NEK1: variants seen among roughly 807,000 people sequenced by gnomAD.
NEK1 encodes NIMA related kinase 1.
A neutral mutation model predicts 182.1 loss-of-function variants in NEK1; 137 were observed. The observed-to-expected ratio is 0.75, with a 90% CI of 0.65 to 0.87. NEK1 has a LOEUF of 0.87. Among genes scored for constraint, NEK1 ranks in the 40% least tolerant of loss-of-function variants. The pLI is 0.00. For synonymous variants in NEK1, 513 were observed against 492.2 expected, an observed-to-expected ratio of 1.04 and a Z score of -0.56; for missense variants, 1,391 against 1,494.4, an observed-to-expected ratio of 0.93 and a Z score of 1.14.
intron 2 of NEK1, among the ~76,000 whole-genome samples, chr4:169,608,130 C>T (rs1481057978): frequency 1.3e-5 from 2 of 151,414 alleles, no homozygotes; most frequent in African/African-American, 4.9e-5. Context: ...CACACACACA[C>T]ACACACACAA....
rs555070416 is a variant in NEK1 at position 169,523,757 on chromosome 4, T to C, written c.1665+14052A>G. Among the ~76,000 whole-genome samples, 7 of 152,358 alleles carry C rather than the reference T, an allele frequency of 4.6e-5. No homozygotes were observed. The South Asian group carries it at 1.5e-3, about 32-fold the overall frequency. On this transcript the variant is annotated intron_variant, in intron 19 of 35. Coordinates refer to ENST00000507142, the MANE Select transcript of NEK1 (RefSeq NM_001199397.3). The stretch of plus-strand genomic sequence containing the variant: ...GCTTTCAATAAATAGTTATTATTAC[T>C]TAATTGTTGGTTTATTGTCTATCTC...
At chr4:169,438,329 G>A (rs1184303525) in intron 27 of NEK1, 70 bp from the exon 28 acceptor site, 13 of 1,242,368 alleles carry the variant, frequency 1.0e-5, no homozygotes, top group Non-Finnish European at 1.4e-5. Flanking sequence ...ATGGCATTGG[G>A]GGCAAAGTTC....
At chr4:169,532,222 A>G (rs781168231) in intron 19 of NEK1, among the ~76,000 whole-genome samples, 75 of 152,206 alleles carry the variant, frequency 4.9e-4, no homozygotes, top group Non-Finnish European at 1.0e-3. Flanking sequence ...ATATACACTT[A>G]GAATTTTATT....
At chr4:169,575,699 C>T (rs752051996) in intron 12 of NEK1, among the ~76,000 whole-genome samples, 1 of 152,186 alleles carries the variant, frequency 6.6e-6, no homozygotes, top group Non-Finnish European at 1.5e-5. Context: ...CAGGGAGTTT[C>T]GTCAGCTCCA....
intron 31 of NEK1, among the ~76,000 whole-genome samples, chr4:169,408,909 T>G (rs1733119317): frequency 6.6e-6 from 1 of 152,218 alleles, no homozygotes; most frequent in Non-Finnish European, 1.5e-5. Context: ...TCTTTGCAAT[T>G]GCAAATTGTG....
chr4:169,558,843 T>A (rs940736393), intron 16 of NEK1, among the ~76,000 whole-genome samples: 2 of 152,194 alleles, frequency 1.3e-5, no homozygotes, highest in Non-Finnish European at 2.9e-5. Flanking sequence ...TATTTAGAAG[T>A]ACGTAATAAT....
chr4:169,397,544 T>A (rs1466640294), intron 35 of NEK1, among the ~76,000 whole-genome samples: 1 of 152,186 alleles, frequency 6.6e-6, no homozygotes, highest in African/African-American at 2.4e-5. Flanking sequence ...TAGAAAAGAT[T>A]GCCAGGGTAG....
At chr4:169,595,542 C>G (rs1769288970) in intron 5 of NEK1, among the ~76,000 whole-genome samples, 1 of 152,070 alleles carries the variant, frequency 6.6e-6, no homozygotes, top group East Asian at 1.9e-4. Flanking sequence ...TTGGACAAAT[C>G]AATTGTGCAA....
rs759413316 is a variant in NEK1, at chr4:169,406,669, G to A, written c.3301C>T (p.Arg1101Cys). The stretch of plus-strand genomic sequence containing the variant: ...TCATCTATTTCAAGATTGTCTTGAC[G>A]AACATCTCCTACGGTGGGAACATCC... ...LMDVPTVGDV[R>C]QDNLEIDEIE... Residue 1101 changes from arginine (R) to cysteine (C), a missense_variant, in exon 32 of 36, where the codon CGT becomes TGT. Arg to Cys is a radical substitution (Grantham distance 180, BLOSUM62 -3). Around this residue, in one of 5 missense-constraint regions of NEK1, gnomAD observed 1,216 missense variants for 1,277.6 expected, o/e 0.95. Transcript: ENST00000507142. The A allele has an allele frequency of 1.6e-5, 25 of 1,606,946 alleles. No homozygotes were observed. Among genetic ancestry groups the A allele is most frequent in the Middle Eastern group, 1.7e-4 (1 of 6,044 alleles).
chr4:169,424,730 G>A lies in NEK1; in HGVS notation c.3045C>T (p.Phe1015=), dbSNP rs552200309. ...VDKSVQPEPF[F]HKVVHSEHLN... is the part of the protein sequence containing the mutation. Reference sequence around the variant, plus strand: ...AGTGTTCAGAATGAACCACCTTATGGAAAAATGGTTCCGGTTGCACAGACT... The same window carrying A: ...AGTGTTCAGAATGAACCACCTTATGAAAAAATGGTTCCGGTTGCACAGACT... The change falls in exon 31 of 36, where the codon TTC becomes TTT. Residue 1015 remains phenylalanine, a synonymous_variant. Coordinates refer to ENST00000507142, the MANE Select transcript of NEK1 (RefSeq NM_001199397.3). The A allele has an allele frequency of 1.9e-6, 3 of 1,613,700 alleles. No homozygotes were observed. Among genetic ancestry groups the A allele is most frequent in the East Asian group, 2.2e-5 (1 of 44,856 alleles).
chr4:169,482,477 CTT>C (rs989162250), intron 23 of NEK1, among the ~76,000 whole-genome samples: 1 of 150,840 alleles, frequency 6.6e-6, no homozygotes, highest in African/African-American at 2.4e-5. Context: ...TTCTTTCTTT[CTT>C]TCTTTTTTTT....
intron 18 of NEK1, among the ~76,000 whole-genome samples, chr4:169,540,994 C>T (rs11732322): frequency 6.6e-6 from 1 of 151,748 alleles, no homozygotes; most frequent in East Asian, 1.9e-4. Context: ...TGCCTCACAT[C>T]CATGGTTCAA....
intron 2 of NEK1, among the ~76,000 whole-genome samples, chr4:169,607,889 G>C (rs1040720577): frequency 2.0e-5 from 3 of 151,950 alleles, no homozygotes; most frequent in African/African-American, 7.2e-5. Context: ...CCTATAAAAT[G>C]AACCAATAGA....
intron 23 of NEK1, among the ~76,000 whole-genome samples, chr4:169,498,051 G>T (rs2149651065): frequency 6.6e-6 from 1 of 152,268 alleles, no homozygotes; most frequent in Admixed American, 6.5e-5. Context: ...AAGTCTCTTT[G>T]TAGGTCTCTA....
chr4:169,421,215 T>C (rs1217962678), intron 31 of NEK1, among the ~76,000 whole-genome samples: 7 of 152,152 alleles, frequency 4.6e-5, no homozygotes, highest in African/African-American at 1.7e-4. Context: ...TTTTCAGTAA[T>C]TGATAAGTAG....
chr4:169,458,841 A>G (rs933125857), intron 27 of NEK1, among the ~76,000 whole-genome samples: 1 of 151,952 alleles, frequency 6.6e-6, no homozygotes, highest in Non-Finnish European at 1.5e-5. Context: ...AAAAAAAAAA[A>G]AAAGACAATG....
chr4:169,539,862 C>T lies in NEK1; in HGVS notation c.1563-1951G>A, dbSNP rs568069818. On this transcript the variant is annotated intron_variant, in intron 18 of 35. Transcript: ENST00000507142. ...TTCTCTAACTTTTACGGAAGTAAAG[C>T]ATGTTTGACTTCCCATCTTAAGATG... is the stretch of plus-strand genomic sequence containing the variant. Among the ~76,000 whole-genome samples the T allele has an allele frequency of 4.6e-5, 7 of 152,204 alleles. No individual in the cohort carries two copies. The East Asian group carries it at 9.7e-4, about 21-fold the overall frequency.
At chr4:169,468,061 TCAAA>T (rs1745256763) in intron 26 of NEK1, among the ~76,000 whole-genome samples, 1 of 152,042 alleles carries the variant, frequency 6.6e-6, no homozygotes, top group East Asian at 1.9e-4. Flanking sequence ...TATATCAATA[TCAAA>T]CAAAGAAAAC....
At chr4:169,414,141 C>T (rs1013829699) in intron 31 of NEK1, among the ~76,000 whole-genome samples, 1 of 152,028 alleles carries the variant, frequency 6.6e-6, no homozygotes, top group Non-Finnish European at 1.5e-5. Context: ...AATTAGTATA[C>T]TTTTATTAGA....
Sources: gnomAD v4.1 joint callset for allele counts (sites outside exome capture counted in the v4.1 genomes callset) on GRCh38, gnomAD v4.1.1 for gene constraint, gnomAD v4.1.1 regional missense constraint, MANE v1.5 for transcripts, NCBI Gene and HGNC (gene_info 2026-07-23, HGNC 2026-07-21) for gene names.